The following GYPC variants were observed in gnomAD, a reference collection of about 807,000 sequenced individuals.
The protein encoded by GYPC is glycophorin C (Gerbich blood group), also known as glycophorin-C.
A neutral mutation model predicts 12.6 loss-of-function variants in GYPC; 14 were observed. The observed-to-expected ratio is 1.11, with a 90% CI of 0.74 to 1.74. GYPC has a LOEUF of 1.74. Among genes scored for constraint, GYPC ranks in the 40% most tolerant of loss-of-function variants. GYPC has a pLI of 0.00. For missense variants in GYPC, 225 were observed against 172.1 expected (o/e 1.31, Z -1.72); for synonymous variants, 78 against 62.1 (o/e 1.26, Z -1.20).
chr2:126,683,582 A>G (rs1866657), intron 1 of GYPC, among the ~76,000 whole-genome samples: 112,596 of 152,194 alleles, frequency 0.74, 41,843 homozygotes, highest in Admixed American at 0.77. Context: ...CTTAGATGTC[A>G]TAGCTCAACT....
At position 126,662,483 on chromosome 2, in the gene GYPC, T is replaced by C. The variant is rs371025980; in HGVS notation, c.49+6171T>C. ...TTAGCTTTGAAATCTGAGGATGAGG[T>C]TTTGGGTCTGGATCCACTATGAGCT... On this transcript the variant is annotated intron_variant, in intron 1 of 3. Transcript: ENST00000259254. Among the ~76,000 whole-genome samples the C allele has an allele frequency of 9.2e-5, 14 of 152,222 alleles. No homozygotes were observed. In the East Asian group the frequency reaches 2.5e-3, roughly 27 times the overall value.
intron 2 of GYPC, among the ~76,000 whole-genome samples, chr2:126,691,396 C>G (rs537556241): frequency 1.3e-5 from 2 of 152,226 alleles, no homozygotes; most frequent in East Asian, 3.9e-4. Context: ...GACTGCCCCT[C>G]GCACAGCCAA....
chr2:126,665,878 C>T (rs1193373143), intron 1 of GYPC, among the ~76,000 whole-genome samples: 1 of 152,192 alleles, frequency 6.6e-6, no homozygotes, highest in Non-Finnish European at 1.5e-5. Flanking sequence ...CCCAGTGCTT[C>T]CCTGTGCATC....
chr2:126,696,024 C>T lies in GYPC; in HGVS notation c.269C>T (p.Thr90Met), dbSNP rs151167334. Residue 90 changes from threonine to methionine, a missense_variant, in exon 4 of 4, where the codon ACG becomes ATG. Coordinates refer to ENST00000259254, the MANE Select transcript of GYPC (RefSeq NM_002101.5). The stretch of plus-strand genomic sequence containing the variant: ...CGCTACATGTACCGGCACAAGGGCA[C>T]GTACCACACCAATGAGGCCAAGGGC... ...MLRYMYRHKG[T>M]YHTNEAKGTE... is the part of the protein sequence containing the mutation. 38 of 1,613,920 alleles carry T rather than the reference C, an allele frequency of 2.4e-5. No individual in the cohort carries two copies. Among genetic ancestry groups the T allele is most frequent in the Admixed American group, 3.3e-5 (2 of 60,006 alleles).
At chr2:126,679,711 C>G (rs1396228730) in intron 1 of GYPC, 1 of 152,068 alleles carries the variant, frequency 6.6e-6, no homozygotes, top group Non-Finnish European at 1.5e-5. Context: ...AACCCCGTCT[C>G]TAAAAACACA....
intron 1 of GYPC, among the ~76,000 whole-genome samples, chr2:126,656,805 C>A (rs1682378167): frequency 6.6e-6 from 1 of 152,250 alleles, no homozygotes; most frequent in Admixed American, 6.5e-5. Context: ...CACACAGATG[C>A]GAGGGAATCC....
chr2:126,656,180 A>C lies in GYPC; in HGVS notation c.-84A>C. On this transcript the variant is annotated 5_prime_UTR_variant, in exon 1 of 4. Coordinates refer to ENST00000259254, the MANE Select transcript of GYPC (RefSeq NM_002101.5). ...CTTCCTCTCGCCGCCGAGGGTCAGG[A>C]GCCCGGGAGCGCGACCCTCCCCCGG... 6.6e-7 allele frequency: 1 copy of C among 1,525,048 alleles called. No individual in the cohort carries two copies. The highest frequency in any genetic ancestry group is 8.8e-7 in the Non-Finnish European group (1 of 1,134,758). The allele number at this position is 1,525,048 out of a possible 1,614,324, so 94.5% of individuals were successfully genotyped here.
At chr2:126,662,078 A>G (rs893175798) in intron 1 of GYPC, among the ~76,000 whole-genome samples, 5 of 152,162 alleles carry the variant, frequency 3.3e-5, no homozygotes, top group Non-Finnish European at 7.4e-5. Flanking sequence ...TCTCCAGCTG[A>G]CCCAGCCCAG....
intron 3 of GYPC, among the ~76,000 whole-genome samples, chr2:126,694,998 G>A (rs551025225): frequency 5.9e-5 from 9 of 152,186 alleles, no homozygotes; most frequent in African/African-American, 2.2e-4. Context: ...CCACCACCTT[G>A]GCATCCTCTG....
chr2:126,667,622 C>G (rs553973301), intron 1 of GYPC, among the ~76,000 whole-genome samples: 1 of 152,098 alleles, frequency 6.6e-6, no homozygotes, highest in African/African-American at 2.4e-5. Flanking sequence ...AGGCTGGTCT[C>G]AAACTCCCGA....
At chr2:126,690,179 T>G in intron 1 of GYPC, 76 bp from the exon 2 acceptor site, 1 of 1,049,352 alleles carries the variant, frequency 9.5e-7, no homozygotes, top group Non-Finnish European at 1.5e-6. Context: ...GAGCAAAGGA[T>G]GCAGCTTGGG....
chr2:126,669,965 G>A (rs952263599), intron 1 of GYPC, among the ~76,000 whole-genome samples: 2 of 152,108 alleles, frequency 1.3e-5, no homozygotes, highest in African/African-American at 2.4e-5. Flanking sequence ...CGTCTTCCTC[G>A]GCCCAGGGCT....
intron 1 of GYPC, among the ~76,000 whole-genome samples, chr2:126,666,710 CACACACACACACA>C: frequency 1.2e-4 from 1 of 8,526 alleles, no homozygotes; most frequent in Non-Finnish European, 2.5e-4. Flanking sequence ...TCCCTCCCTA[CACACACACACACA>C]CACACACACA....
chr2:126,693,812 A>G lies in GYPC; in HGVS notation c.107-52A>G, dbSNP rs1683548509. The G allele has an allele frequency of 3.9e-5, 47 of 1,203,850 alleles. 1 individual carries two copies. The South Asian group carries it at 5.5e-4, about 14-fold the overall frequency. The allele number at this position is 1,203,850 out of a possible 1,614,324, so 74.6% of individuals were successfully genotyped here. A position where few individuals can be genotyped will look rare whatever the true frequency, so the allele number is the denominator to read the frequency against. ...ATGCAGCTTGGGCCAAGGTGCTGCTAGGCATGGAGAATCTTCCTCTCTGAC... is the reference window on the plus strand; with the variant it reads ...ATGCAGCTTGGGCCAAGGTGCTGCTGGGCATGGAGAATCTTCCTCTCTGAC... On this transcript the variant is annotated intron_variant, in intron 2 of 3. Transcript: ENST00000259254.
intron 1 of GYPC, among the ~76,000 whole-genome samples, chr2:126,663,234 C>T (rs1682584117): frequency 6.6e-6 from 1 of 151,904 alleles, no homozygotes; most frequent in Non-Finnish European, 1.5e-5. Flanking sequence ...GATGTGGTTT[C>T]ACCTTGTTGG....
chr2:126,693,713 A>G (rs532339926), intron 2 of GYPC, 151 bp from the exon 3 acceptor site: 2 of 713,422 alleles, frequency 2.8e-6, no homozygotes, highest in South Asian at 3.0e-5. Flanking sequence ...CATCCCTGCT[A>G]GGAGCAGTGG....
intron 2 of GYPC, among the ~76,000 whole-genome samples, chr2:126,691,285 G>T (rs1306211962): frequency 6.6e-6 from 1 of 152,084 alleles, no homozygotes; most frequent in Non-Finnish European, 1.5e-5. Context: ...CCATGAGACT[G>T]CTGCCCCCTC....
At chr2:126,674,273 G>A (rs966999396) in intron 1 of GYPC, among the ~76,000 whole-genome samples, 1 of 152,156 alleles carries the variant, frequency 6.6e-6, no homozygotes, top group Non-Finnish European at 1.5e-5. Context: ...GGGTGGCCTG[G>A]TGTTGATAAA....
intron 1 of GYPC, chr2:126,678,410 G>A (rs17014131): frequency 0.16 from 24,360 of 152,248 alleles, 2,545 homozygotes; most frequent in East Asian, 0.42. Context: ...ATCCTTTCCT[G>A]CGAGCCTGGT....
Sources: gnomAD v4.1 joint callset for allele counts (sites outside exome capture counted in the v4.1 genomes callset) on GRCh38, gnomAD v4.1.1 for gene constraint, MANE v1.5 for transcripts, NCBI Gene and HGNC (gene_info 2026-07-23, HGNC 2026-07-21) for gene names.